ZFPM2: variants seen among roughly 807,000 people sequenced by gnomAD.
ZFPM2 encodes the protein zinc finger protein ZFPM2.
Under a neutral mutation model 98.6 loss-of-function variants are expected in ZFPM2, and 20 were observed. The ratio of observed to expected loss-of-function variants is 0.20; its 90% CI spans 0.14 to 0.29. The LOEUF (loss-of-function observed/expected upper bound fraction) is 0.29. ZFPM2 is among the 10% of genes least tolerant of loss of function. The pLI, the probability that ZFPM2 is intolerant of heterozygous loss-of-function variation, is 1.00. For synonymous variants in ZFPM2, 518 were observed against 502.7 expected, an observed-to-expected ratio of 1.03 and a Z score of -0.41; for missense variants, 1,310 against 1,388.6, an observed-to-expected ratio of 0.94 and a Z score of 0.90.
At chr8:105,457,548 C>G (rs762303996) in intron 3 of ZFPM2, among the ~76,000 whole-genome samples, 3 of 152,160 alleles carry the variant, frequency 2.0e-5, no homozygotes, top group Non-Finnish European at 4.4e-5. Flanking sequence ...GAGGCATTCA[C>G]AGTGTGCAGT....
At chr8:105,417,561 C>G (rs982125952) in intron 1 of ZFPM2, among the ~76,000 whole-genome samples, 4 of 151,926 alleles carry the variant, frequency 2.6e-5, no homozygotes, top group African/African-American at 9.7e-5. Flanking sequence ...AATAATTTGT[C>G]TCTTGAAATT....
chr8:105,627,834 G>A (rs991116331), intron 4 of ZFPM2, among the ~76,000 whole-genome samples: 7 of 152,150 alleles, frequency 4.6e-5, no homozygotes, highest in Non-Finnish European at 1.0e-4. Context: ...GCAAAGCCAT[G>A]TGGCCAGATC....
At chr8:105,649,956 G>A (rs1817133604) in intron 5 of ZFPM2, among the ~76,000 whole-genome samples, 1 of 152,164 alleles carries the variant, frequency 6.6e-6, no homozygotes, top group East Asian at 1.9e-4. Context: ...AGAAAGAATG[G>A]TACCAGCTCC....
chr8:105,426,154 C>A (rs1811904070), intron 2 of ZFPM2, among the ~76,000 whole-genome samples: 1 of 152,048 alleles, frequency 6.6e-6, no homozygotes, highest in African/African-American at 2.4e-5. Flanking sequence ...GGAAGGGGAC[C>A]TTTACAGGCA....
intron 3 of ZFPM2, among the ~76,000 whole-genome samples, chr8:105,469,147 T>G (rs1051666125): frequency 1.3e-5 from 2 of 152,148 alleles, no homozygotes; most frequent in African/African-American, 4.8e-5. Flanking sequence ...TCACCAGAAT[T>G]TTTTCCTATT....
chr8:105,541,679 G>T (rs78858663), intron 3 of ZFPM2, among the ~76,000 whole-genome samples: 1 of 152,190 alleles, frequency 6.6e-6, no homozygotes, highest in Non-Finnish European at 1.5e-5. Flanking sequence ...CCAGGGAGCA[G>T]TAATATCTGT....
At chr8:105,754,855 G>T (rs1257642146) in intron 5 of ZFPM2, among the ~76,000 whole-genome samples, 1 of 151,860 alleles carries the variant, frequency 6.6e-6, no homozygotes, top group East Asian at 1.9e-4. Context: ...TTGTTAGGAG[G>T]TTTTTTGTAG....
At chr8:105,438,963 C>T (rs188253844) in intron 2 of ZFPM2, among the ~76,000 whole-genome samples, 3 of 152,244 alleles carry the variant, frequency 2.0e-5, no homozygotes, top group Non-Finnish European at 2.9e-5. Context: ...GGCTACTGCT[C>T]TCATGCATAT....
chr8:105,747,277 G>A (rs1031050840), intron 5 of ZFPM2, among the ~76,000 whole-genome samples: 8 of 152,014 alleles, frequency 5.3e-5, no homozygotes, highest in African/African-American at 1.7e-4. Context: ...CATTAAAAAT[G>A]TAGTTAACTC....
At chr8:105,655,539 G>A (rs1817268678) in intron 5 of ZFPM2, among the ~76,000 whole-genome samples, 2 of 152,092 alleles carry the variant, frequency 1.3e-5, no homozygotes, top group Admixed American at 6.6e-5. Context: ...CCTGTTGCAT[G>A]GAGTCTTAAC....
At chr8:105,385,735 A>G (rs1442110092) in intron 1 of ZFPM2, among the ~76,000 whole-genome samples, 1 of 152,212 alleles carries the variant, frequency 6.6e-6, no homozygotes, top group Non-Finnish European at 1.5e-5. Context: ...TATAGCAGTA[A>G]TGTCATTCCT....
chr8:105,647,092 G>A (rs1241403449), intron 5 of ZFPM2, among the ~76,000 whole-genome samples: 1 of 152,142 alleles, frequency 6.6e-6, no homozygotes, highest in Non-Finnish European at 1.5e-5. Context: ...TTCCTGATCT[G>A]TTTTGGGATT....
At chr8:105,669,285 A>G (rs1817544267) in intron 5 of ZFPM2, among the ~76,000 whole-genome samples, 1 of 152,028 alleles carries the variant, frequency 6.6e-6, no homozygotes, top group Non-Finnish European at 1.5e-5. Context: ...TATTTCCTCT[A>G]AAATTCTCAT....
chr8:105,398,276 C>T (rs1030936740), intron 1 of ZFPM2, among the ~76,000 whole-genome samples: 1 of 152,116 alleles, frequency 6.6e-6, no homozygotes, highest in African/African-American at 2.4e-5. Context: ...GAACACTTCT[C>T]TGTGTCCATC....
At chr8:105,422,189 G>A (rs1283497975) in intron 2 of ZFPM2, among the ~76,000 whole-genome samples, 1 of 151,946 alleles carries the variant, frequency 6.6e-6, no homozygotes, top group African/African-American at 2.4e-5. Context: ...TGTAATCCAA[G>A]CACTTTGGGA....
chr8:105,445,915 C>G (rs2130227357), intron 3 of ZFPM2, among the ~76,000 whole-genome samples: 1 of 150,490 alleles, frequency 6.6e-6, no homozygotes, highest in African/African-American at 2.4e-5. Context: ...CAGTTCTTTT[C>G]TTTTCTTTTT....
chr8:105,795,073 G>T (rs575777872), intron 6 of ZFPM2, among the ~76,000 whole-genome samples: 1 of 152,122 alleles, frequency 6.6e-6, no homozygotes, highest in African/African-American at 2.4e-5. Flanking sequence ...GCTCATGCAC[G>T]GTGCGCTGCA....
At position 105,467,165 on chromosome 8, in the gene ZFPM2, T is replaced by C. The variant is rs1368628580; in HGVS notation, c.301+22784T>C. ...ACATTGAAGACAGATGATGATGAAG[T>C]TTGTGTCAGAACTCTGACCTTGAGC... On this transcript the variant is annotated intron_variant, in intron 3 of 7. Coordinates refer to ENST00000407775, the MANE Select transcript of ZFPM2 (RefSeq NM_012082.4). 2.6e-5 allele frequency among the ~76,000 whole-genome samples: 4 copies of C among 152,054 alleles called. No individual in the cohort carries two copies. The South Asian group carries it at 8.3e-4, about 31-fold the overall frequency.
Position 105,613,110 on chromosome 8 carries a change from A to G in ZFPM2, c.421-21136A>G, listed in dbSNP as rs187665153. Among the ~76,000 whole-genome samples, 966 of 152,320 alleles carry G rather than the reference A, an allele frequency of 6.3e-3. 4 individuals are homozygous for G. The highest frequency in any genetic ancestry group is 0.01 in the Non-Finnish European group (711 of 68,030). ...AAATGATTTCAGTAGTCACAATGAT[A>G]TATGTAATAATAATTAACAGCAGGC... On this transcript the variant is annotated intron_variant, in intron 4 of 7. Coordinates refer to ENST00000407775, the MANE Select transcript of ZFPM2 (RefSeq NM_012082.4).
Sources: gnomAD v4.1 joint callset for allele counts (sites outside exome capture counted in the v4.1 genomes callset) on GRCh38, gnomAD v4.1.1 for gene constraint, MANE v1.5 for transcripts, NCBI Gene and HGNC (gene_info 2026-07-23, HGNC 2026-07-21) for gene names.